CDH9: variants seen among roughly 807,000 people sequenced by gnomAD.
CDH9 encodes cadherin 9, also known as cadherin-9.
Under a neutral mutation model 70.9 loss-of-function variants are expected in CDH9, and 28 were observed. The ratio of observed to expected loss-of-function variants is 0.40; its 90% CI spans 0.29 to 0.54. CDH9 has a LOEUF of 0.54. Among genes scored for constraint, CDH9 ranks in the 20% least tolerant of loss-of-function variants. CDH9 has a pLI of 0.59. For missense variants in CDH9, 874 were observed against 984.4 expected, an observed-to-expected ratio of 0.89 and a Z score of 1.50; for synonymous variants, 409 against 343.1, an observed-to-expected ratio of 1.19 and a Z score of -2.12.
intron 1 of CDH9, among the ~76,000 whole-genome samples, chr5:26,999,410 C>A (rs1362046748): frequency 6.6e-6 from 1 of 151,904 alleles, no homozygotes; most frequent in East Asian, 1.9e-4. Flanking sequence ...AGAAGAAAAA[C>A]AAATAATAAA....
At chr5:26,915,359 C>T (rs1057019696) in intron 3 of CDH9, among the ~76,000 whole-genome samples, 6 of 151,870 alleles carry the variant, frequency 4.0e-5, no homozygotes, top group African/African-American at 1.2e-4. Flanking sequence ...ACTTGACTGC[C>T]ATTTGAATGC....
At chr5:26,967,705 C>T (rs1742152375) in intron 2 of CDH9, among the ~76,000 whole-genome samples, 1 of 151,822 alleles carries the variant, frequency 6.6e-6, no homozygotes, top group African/African-American at 2.4e-5. Flanking sequence ...CAATTTTTTA[C>T]ACCTTTTTTT....
chr5:26,969,080 C>A (rs950510337), intron 2 of CDH9, among the ~76,000 whole-genome samples: 5 of 152,012 alleles, frequency 3.3e-5, no homozygotes, highest in African/African-American at 1.2e-4. Context: ...TTATGTAGTT[C>A]TATATATTCA....
intron 2 of CDH9, among the ~76,000 whole-genome samples, chr5:26,959,388 A>T (rs1242029805): frequency 1.3e-5 from 2 of 152,080 alleles, no homozygotes; most frequent in Non-Finnish European, 2.9e-5. Context: ...AAATTGGAAT[A>T]CTCATATATT....
In CDH9 at chr5:26,903,588, C is replaced by G. The variant is rs200248466; in HGVS notation, c.999+49G>C. The G allele has an allele frequency of 2.5e-5, 31 of 1,250,098 alleles. No homozygotes were observed. The East Asian group carries it at 7.2e-4, about 29-fold the overall frequency. The allele number at this position is 1,250,098 out of a possible 1,614,324, so 77.4% of individuals were successfully genotyped here. On this transcript the variant is annotated intron_variant, in intron 6 of 11. Coordinates refer to ENST00000231021, the MANE Select transcript of CDH9 (RefSeq NM_016279.4). ...TTTTTTCCCTTTACTGAAAAGCAAA[C>G]GTAAATTATAAAGCACTCAATGAAA...
At chr5:26,966,637 A>C (rs1742134552) in intron 2 of CDH9, among the ~76,000 whole-genome samples, 1 of 152,160 alleles carries the variant, frequency 6.6e-6, no homozygotes, top group Non-Finnish European at 1.5e-5. Flanking sequence ...TCACAACAGT[A>C]AAATGTTCTT....
intron 2 of CDH9, among the ~76,000 whole-genome samples, chr5:26,977,292 G>A (rs1489471834): frequency 6.6e-6 from 1 of 151,846 alleles, no homozygotes; most frequent in African/African-American, 2.4e-5. Context: ...AAGTCACAGT[G>A]ATCTTCTAAA....
intron 1 of CDH9, among the ~76,000 whole-genome samples, chr5:27,017,322 T>A (rs930067349): frequency 6.6e-6 from 1 of 151,924 alleles, no homozygotes; most frequent in African/African-American, 2.4e-5. Context: ...TTTCCTTAAT[T>A]ATTTTAATGA....
chr5:27,014,384 T>A (rs1285093179), intron 1 of CDH9, among the ~76,000 whole-genome samples: 3 of 151,960 alleles, frequency 2.0e-5, no homozygotes. Flanking sequence ...TGCACCGAAC[T>A]GTGGTTGACT....
Position 26,916,705 on chromosome 5 carries a change from A to G in CDH9, c.229-781T>C, listed in dbSNP as rs1741155598. Among the ~76,000 whole-genome samples, 5 of 152,138 alleles carry G rather than the reference A, an allele frequency of 3.3e-5. No individual in the cohort carries two copies. In the South Asian group the frequency reaches 1.0e-3, roughly 31 times the overall value. ...GTGAAACCATGATTAAGGGGGAACT[A>G]CTGTAGAACATTGATTGTAGATTCA... On this transcript the variant is annotated intron_variant, in intron 2 of 11. Transcript: ENST00000231021.
At chr5:27,018,979 T>A (rs1743091738) in intron 1 of CDH9, among the ~76,000 whole-genome samples, 1 of 151,982 alleles carries the variant, frequency 6.6e-6, no homozygotes, top group African/African-American at 2.4e-5. Context: ...AAAATACGTT[T>A]TTATTATTAT....
At position 26,890,416 on chromosome 5, in the gene CDH9, G is replaced by T; in HGVS notation, c.1390+12C>A. The T allele has an allele frequency of 5.6e-6, 9 of 1,611,442 alleles. No individual in the cohort carries two copies. The highest frequency in any genetic ancestry group is 7.6e-6 in the Non-Finnish European group (9 of 1,177,638). On this transcript the variant is annotated intron_variant, in intron 8 of 11. Transcript: ENST00000231021. ...AAGACAGTGTCTTCGGGTAGATGTA[G>T]CTCCAACTTACTTATTTCTGTGGCT...
chr5:27,003,088 C>T (rs887926560), intron 1 of CDH9, among the ~76,000 whole-genome samples: 1 of 151,924 alleles, frequency 6.6e-6, no homozygotes, highest in Admixed American at 6.6e-5. Flanking sequence ...GAAATATTTA[C>T]GTTATTCTTA....
intron 2 of CDH9, among the ~76,000 whole-genome samples, chr5:26,937,588 A>G (rs1417056210): frequency 6.6e-6 from 1 of 152,132 alleles, no homozygotes. Context: ...ATGTCTCTCA[A>G]TAGTTGAAGT....
intron 2 of CDH9, among the ~76,000 whole-genome samples, chr5:26,924,173 TAAATAAGTA>T (rs1384471613): frequency 1.3e-5 from 2 of 150,724 alleles, no homozygotes; most frequent in East Asian, 1.9e-4. Flanking sequence ...AAAAAAGAAG[TAAATAAGTA>T]AAATAAGTAA....
At chr5:26,915,089 G>T (rs1741124321) in intron 3 of CDH9, among the ~76,000 whole-genome samples, 1 of 151,966 alleles carries the variant, frequency 6.6e-6, no homozygotes, top group Non-Finnish European at 1.5e-5. Flanking sequence ...TTGCAATCTT[G>T]TCATGATGCT....
At chr5:26,949,546 G>T (rs1362235067) in intron 2 of CDH9, among the ~76,000 whole-genome samples, 1 of 152,192 alleles carries the variant, frequency 6.6e-6, no homozygotes, top group Non-Finnish European at 1.5e-5. Context: ...AGTTGTAGGA[G>T]AAACTTCAGG....
chr5:26,996,557 A>G (rs950754024), intron 1 of CDH9, among the ~76,000 whole-genome samples: 4 of 152,050 alleles, frequency 2.6e-5, no homozygotes, highest in Admixed American at 2.6e-4. Flanking sequence ...TTCTATAAAT[A>G]TAAGTGACAC....
At chr5:26,988,644 T>A (rs1742529536) in intron 1 of CDH9, among the ~76,000 whole-genome samples, 1 of 152,010 alleles carries the variant, frequency 6.6e-6, no homozygotes, top group Non-Finnish European at 1.5e-5. Context: ...CATATTAATA[T>A]TTTTGTAATT....
Sources: allele counts gnomAD v4.1 joint callset (sites outside exome capture counted in the v4.1 genomes callset), GRCh38; gene constraint gnomAD v4.1.1; transcripts MANE v1.5; gene names NCBI Gene and HGNC (gene_info 2026-07-23, HGNC 2026-07-21).